Variants in SMAP1 observed in about 807,000 individuals in gnomAD.
SMAP1 encodes stromal membrane-associated protein 1.
A neutral mutation model predicts 58.5 loss-of-function variants in SMAP1; 24 were observed. The observed-to-expected ratio is 0.41, with a 90% CI of 0.30 to 0.58. SMAP1 has a LOEUF of 0.58. SMAP1 is among the 20% of genes least tolerant of loss of function. The pLI is 0.29. For missense variants in SMAP1, 563 were observed against 566.3 expected (o/e 0.99, Z 0.06); for synonymous variants, 216 against 196.6 (o/e 1.10, Z -0.82).
chr6:70,693,298 CTTT>C (rs55693339), intron 1 of SMAP1, among the ~76,000 whole-genome samples: 488 of 109,624 alleles, frequency 4.5e-3, no homozygotes, highest in African/African-American at 0.016. Context: ...ATGTCATCTT[CTTT>C]TTTTTTTTTT....
chr6:70,833,465 G>A (rs1770445499), intron 6 of SMAP1, among the ~76,000 whole-genome samples: 2 of 152,096 alleles, frequency 1.3e-5, no homozygotes, highest in Non-Finnish European at 2.9e-5. Flanking sequence ...TTTGATTTGT[G>A]GGACAACCTT....
At position 70,742,426 on chromosome 6, in the gene SMAP1, G is replaced by A. The variant is rs561703648; in HGVS notation, c.252+9915G>A. 2.0e-4 allele frequency among the ~76,000 whole-genome samples: 30 copies of A among 152,244 alleles called. No homozygotes were observed. The South Asian group carries it at 6.2e-3, about 32-fold the overall frequency. On this transcript the variant is annotated intron_variant, in intron 2 of 10. Coordinates refer to ENST00000370455, the MANE Select transcript of SMAP1 (RefSeq NM_001044305.3). ...CAGCCAGTCTCTTTCCTAAAACATA[G>A]CAAGAGTCACCTTTACTCCGGTTCC...
At chr6:70,766,435 A>G (rs1324084510) in intron 3 of SMAP1, among the ~76,000 whole-genome samples, 3 of 152,132 alleles carry the variant, frequency 2.0e-5, no homozygotes, top group East Asian at 1.9e-4. Context: ...AATGATTGCC[A>G]TTCTAACTGG....
At chr6:70,825,873 C>T (rs1180540683) in intron 6 of SMAP1, among the ~76,000 whole-genome samples, 2 of 152,214 alleles carry the variant, frequency 1.3e-5, no homozygotes, top group Non-Finnish European at 2.9e-5. Flanking sequence ...AAGCATGCCA[C>T]TCCTGTGTGC....
chr6:70,828,506 C>T (rs1770230803), intron 6 of SMAP1, among the ~76,000 whole-genome samples: 1 of 152,202 alleles, frequency 6.6e-6, no homozygotes, highest in Admixed American at 6.5e-5. Flanking sequence ...AAGCCTCCCA[C>T]CTACAACAAT....
At chr6:70,671,855 A>T (rs1258379992) in intron 1 of SMAP1, among the ~76,000 whole-genome samples, 1 of 152,110 alleles carries the variant, frequency 6.6e-6, no homozygotes, top group African/African-American at 2.4e-5. Flanking sequence ...ACCACAATTT[A>T]TCCGTCTATT....
chr6:70,798,814 A>G, intron 6 of SMAP1, 77 bp downstream of exon 6: 2 of 1,086,402 alleles, frequency 1.8e-6, no homozygotes, highest in Admixed American at 2.8e-5. Flanking sequence ...GACTTTCTGG[A>G]TATTTATAAT....
rs774969557 is a variant in SMAP1, at chr6:70,858,127, G to A, written c.1167G>A (p.Gln389=). Residue 389 remains glutamine (Q), a synonymous_variant, in exon 10 of 11, where the codon CAG becomes CAA. Coordinates refer to ENST00000370455, the MANE Select transcript of SMAP1 (RefSeq NM_001044305.3). ...NAQTGVMPLP[Q]NVVGPQGGMV... is the part of the protein sequence containing the mutation. Reference sequence around the variant, plus strand: ...AAACTGGTGTGATGCCACTTCCTCAGAACGTTGTTGGCCCCCAAGGAGGAA... The same window carrying A: ...AAACTGGTGTGATGCCACTTCCTCAAAACGTTGTTGGCCCCCAAGGAGGAA... The A allele has an allele frequency of 3.7e-6, 6 of 1,613,918 alleles. No individual in the cohort carries two copies.
At chr6:70,829,350 C>T (rs895322199) in intron 6 of SMAP1, among the ~76,000 whole-genome samples, 3 of 151,792 alleles carry the variant, frequency 2.0e-5, no homozygotes, top group Non-Finnish European at 2.9e-5. Flanking sequence ...TGGGCTGAAG[C>T]GATTCTCCTA....
At chr6:70,729,300 G>A (rs1178068983) in intron 1 of SMAP1, among the ~76,000 whole-genome samples, 2 of 151,894 alleles carry the variant, frequency 1.3e-5, no homozygotes, top group Non-Finnish European at 2.9e-5. Flanking sequence ...TTAGCTGGGC[G>A]AAGTGGCGGG....
chr6:70,674,749 G>A (rs1766407070), intron 1 of SMAP1, among the ~76,000 whole-genome samples: 1 of 152,200 alleles, frequency 6.6e-6, no homozygotes, highest in Non-Finnish European at 1.5e-5. Context: ...TGAGGCAGGT[G>A]GATCATCTGA....
chr6:70,770,392 G>C (rs1767225426), intron 3 of SMAP1, among the ~76,000 whole-genome samples: 1 of 152,186 alleles, frequency 6.6e-6, no homozygotes, highest in East Asian at 1.9e-4. Flanking sequence ...AGATCAATCA[G>C]ACATAGATTT....
intron 2 of SMAP1, among the ~76,000 whole-genome samples, chr6:70,747,508 C>T (rs895784396): frequency 2.0e-5 from 3 of 152,120 alleles, no homozygotes; most frequent in Non-Finnish European, 4.4e-5. Flanking sequence ...AATATTCCTG[C>T]AATAGCCTAG....
At chr6:70,696,587 T>C (rs991199012) in intron 1 of SMAP1, among the ~76,000 whole-genome samples, 6 of 152,232 alleles carry the variant, frequency 3.9e-5, no homozygotes, top group Non-Finnish European at 8.8e-5. Context: ...GCTAGTTTTA[T>C]TCCATCATGG....
chr6:70,836,610 G>A (rs967682218), intron 6 of SMAP1, among the ~76,000 whole-genome samples: 2 of 152,180 alleles, frequency 1.3e-5, no homozygotes, highest in African/African-American at 4.8e-5. Flanking sequence ...TATCACAGAA[G>A]TACATTAATA....
chr6:70,847,889 G>A (rs1441667500), intron 7 of SMAP1, among the ~76,000 whole-genome samples: 2 of 152,098 alleles, frequency 1.3e-5, no homozygotes, highest in African/African-American at 2.4e-5. Context: ...CCCTGAAAGA[G>A]GAAGTGTGTG....
intron 4 of SMAP1, among the ~76,000 whole-genome samples, chr6:70,781,345 G>A (rs1767756388): frequency 6.6e-6 from 1 of 152,066 alleles, no homozygotes; most frequent in South Asian, 2.1e-4. Context: ...TTTCATTGAT[G>A]TTGTGTTTTG....
intron 4 of SMAP1, among the ~76,000 whole-genome samples, chr6:70,776,053 T>C (rs1019954624): frequency 6.6e-6 from 1 of 152,200 alleles, no homozygotes. Flanking sequence ...AGGACATGAC[T>C]GTTAGAGACA....
chr6:70,807,011 G>A (rs1283683513), intron 6 of SMAP1, among the ~76,000 whole-genome samples: 1 of 152,128 alleles, frequency 6.6e-6, no homozygotes, highest in Non-Finnish European at 1.5e-5. Context: ...AATTTAAAGT[G>A]CTGTTGTACA....
Sources: gnomAD v4.1 joint callset for allele counts (sites outside exome capture counted in the v4.1 genomes callset) on GRCh38, gnomAD v4.1.1 for gene constraint, MANE v1.5 for transcripts, NCBI Gene and HGNC (gene_info 2026-07-23, HGNC 2026-07-21) for gene names.